FUT9: variants seen among roughly 807,000 people sequenced by gnomAD.
The protein encoded by FUT9 is fucosyltransferase 9.
In FUT9, 15 loss-of-function variants were observed where a neutral mutation model predicts 29.7. That is an observed-to-expected ratio of 0.51 (90% confidence interval 0.34 to 0.78). The LOEUF is 0.78. FUT9 is among the 30% of genes least tolerant of loss of function. The pLI is 0.01. For synonymous variants in FUT9, 169 were observed against 153.7 expected (o/e 1.10, Z -0.74); for missense variants, 319 against 425.4 (o/e 0.75, Z 2.20).
At chr6:96,086,964 C>G (rs529362983) in intron 1 of FUT9, among the ~76,000 whole-genome samples, 2 of 152,290 alleles carry the variant, frequency 1.3e-5, no homozygotes, top group African/African-American at 2.4e-5. Flanking sequence ...TCGGTTAGCA[C>G]CTGTGCCTCC....
intron 2 of FUT9, among the ~76,000 whole-genome samples, chr6:96,182,201 T>C (rs1773322291): frequency 6.6e-6 from 1 of 152,086 alleles, no homozygotes. Context: ...TTTTCATATG[T>C]TTATTGGACA....
intron 1 of FUT9, among the ~76,000 whole-genome samples, chr6:96,042,981 A>G (rs934403044): frequency 6.6e-6 from 1 of 152,198 alleles, no homozygotes; most frequent in African/African-American, 2.4e-5. Context: ...CTAAATTTTT[A>G]TGAGTGTGGC....
At position 96,201,610 on chromosome 6, in the gene FUT9, C is replaced by A. The variant is rs185179219; in HGVS notation, c.-8-1538C>A. Among the ~76,000 whole-genome samples, 78 of 152,056 alleles carry A rather than the reference C, an allele frequency of 5.1e-4. 1 individual carries two copies. Among genetic ancestry groups the A allele is most frequent in the East Asian group, 4.2e-3 (22 of 5,180 alleles). ...ATACAACAAAATTTGGCTTGTAGAACCTTCAGTGTCATTTAATGTCATTTA... is the reference window on the plus strand; with the variant it reads ...ATACAACAAAATTTGGCTTGTAGAAACTTCAGTGTCATTTAATGTCATTTA... On this transcript the variant is annotated intron_variant, in intron 2 of 2. Coordinates refer to ENST00000302103, the MANE Select transcript of FUT9 (RefSeq NM_006581.4).
intron 1 of FUT9, among the ~76,000 whole-genome samples, chr6:96,077,473 T>A (rs914519149): frequency 3.9e-5 from 6 of 152,188 alleles, no homozygotes; most frequent in Non-Finnish European, 8.8e-5. Context: ...ATCAAAAGCC[T>A]TTTAATGTAA....
At chr6:96,186,123 C>CT (rs1453709644) in intron 2 of FUT9, among the ~76,000 whole-genome samples, 2 of 151,972 alleles carry the variant, frequency 1.3e-5, no homozygotes, top group African/African-American at 4.8e-5. Flanking sequence ...TTAAACTTGC[C>CT]TTTTTTTCTA....
intron 2 of FUT9, among the ~76,000 whole-genome samples, chr6:96,192,686 G>A (rs1165299272): frequency 1.3e-5 from 2 of 151,928 alleles, no homozygotes; most frequent in African/African-American, 4.8e-5. Context: ...TTTCTTCACA[G>A]AGTTGGAAAA....
chr6:96,048,445 T>G (rs999053787), intron 1 of FUT9, among the ~76,000 whole-genome samples: 7 of 152,116 alleles, frequency 4.6e-5, no homozygotes, highest in Non-Finnish European at 8.8e-5. Flanking sequence ...TGGGAAGTGT[T>G]TGTAGCTTGA....
At chr6:96,163,444 T>C (rs1359142660) in intron 2 of FUT9, among the ~76,000 whole-genome samples, 1 of 152,232 alleles carries the variant, frequency 6.6e-6, no homozygotes, top group Non-Finnish European at 1.5e-5. Flanking sequence ...CTTAAGAGTA[T>C]GTGCCTGTAA....
intron 1 of FUT9, among the ~76,000 whole-genome samples, chr6:96,093,045 G>A (rs1771438108): frequency 6.6e-6 from 1 of 152,138 alleles, no homozygotes; most frequent in Non-Finnish European, 1.5e-5. Context: ...TGAAATTACA[G>A]GCATGAGCCA....
intron 1 of FUT9, among the ~76,000 whole-genome samples, chr6:96,055,590 T>C (rs1011167676): frequency 2.0e-5 from 3 of 152,016 alleles, no homozygotes; most frequent in African/African-American, 7.2e-5. Context: ...TAGGTAAACA[T>C]GCATCATGGG....
At chr6:96,056,757 A>T (rs144552811) in intron 1 of FUT9, among the ~76,000 whole-genome samples, 4 of 141,414 alleles carry the variant, frequency 2.8e-5, no homozygotes, top group Admixed American at 1.4e-4. Flanking sequence ...AGGAAAAAAT[A>T]AAAAAAAAAA....
At chr6:96,071,292 G>T (rs1771053719) in intron 1 of FUT9, among the ~76,000 whole-genome samples, 1 of 152,158 alleles carries the variant, frequency 6.6e-6, no homozygotes, top group African/African-American at 2.4e-5. Flanking sequence ...AGTATGTGGG[G>T]CTATCTCTGG....
intron 2 of FUT9, among the ~76,000 whole-genome samples, chr6:96,163,190 C>T (rs1470702305): frequency 1.3e-5 from 2 of 152,096 alleles, no homozygotes; most frequent in Non-Finnish European, 2.9e-5. Flanking sequence ...TTAAATGTTC[C>T]TACCAGTTTC....
At chr6:96,101,301 G>A (rs1771581320) in intron 1 of FUT9, among the ~76,000 whole-genome samples, 1 of 152,136 alleles carries the variant, frequency 6.6e-6, no homozygotes, top group Admixed American at 6.5e-5. Flanking sequence ...CACTTTGGGA[G>A]GCCAAGGTGG....
At chr6:96,020,176 C>A (rs1050698816) in intron 1 of FUT9, among the ~76,000 whole-genome samples, 8 of 152,072 alleles carry the variant, frequency 5.3e-5, no homozygotes, top group African/African-American at 1.7e-4. Flanking sequence ...ACCTAAAAAT[C>A]TTTTAACATT....
intron 2 of FUT9, among the ~76,000 whole-genome samples, chr6:96,138,231 A>G (rs1240375128): frequency 6.6e-6 from 1 of 152,218 alleles, no homozygotes; most frequent in Non-Finnish European, 1.5e-5. Flanking sequence ...TTTGGAGAAA[A>G]TGACTTTGTA....
intron 1 of FUT9, among the ~76,000 whole-genome samples, chr6:96,084,845 A>G (rs1168971703): frequency 1.3e-5 from 2 of 152,150 alleles, no homozygotes; most frequent in Non-Finnish European, 2.9e-5. Flanking sequence ...TGTTTGATAT[A>G]CATCCCTGTT....
chr6:96,073,655 G>A (rs1187153256), intron 1 of FUT9, among the ~76,000 whole-genome samples: 2 of 152,158 alleles, frequency 1.3e-5, no homozygotes, highest in Non-Finnish European at 2.9e-5. Context: ...TGCACAGCAT[G>A]AGAAGCAGAG....
At chr6:96,195,380 T>C (rs1223150924) in intron 2 of FUT9, among the ~76,000 whole-genome samples, 1 of 152,144 alleles carries the variant, frequency 6.6e-6, no homozygotes, top group Non-Finnish European at 1.5e-5. Context: ...AGGCTTACCC[T>C]TGGAAATACC....
Sources: allele counts gnomAD v4.1 joint callset (sites outside exome capture counted in the v4.1 genomes callset), GRCh38; gene constraint gnomAD v4.1.1; transcripts MANE v1.5; gene names NCBI Gene and HGNC (gene_info 2026-07-23, HGNC 2026-07-21).